The following COX15 variants were observed in gnomAD, a reference collection of about 807,000 sequenced individuals.
COX15 encodes cytochrome c oxidase assembly factor COX15.
Under a neutral mutation model 51.9 loss-of-function variants are expected in COX15, and 51 were observed. The observed-to-expected ratio is 0.98, with a 90% CI of 0.78 to 1.24. COX15 has a LOEUF of 1.24. Among genes scored for constraint, COX15 ranks in the 50% most tolerant of loss-of-function variants. The pLI is 0.00. For missense variants in COX15, 420 were observed against 501.1 expected (o/e 0.84, Z 1.55); for synonymous variants, 188 against 190.5 (o/e 0.99, Z 0.11).
In COX15 at chr10:99,712,901, A is replaced by C. The variant is rs1165913463; in HGVS notation, c.*1686T>G. On this transcript the variant is annotated 3_prime_UTR_variant, in exon 9 of 9. Coordinates refer to ENST00000016171, the MANE Select transcript of COX15 (RefSeq NM_078470.6). ...TCCCTCTTCTGCATGAGACGGCTTCAACTTCTCAAGGACAGGAATCTTGCT... is the reference window on the plus strand; with the variant it reads ...TCCCTCTTCTGCATGAGACGGCTTCCACTTCTCAAGGACAGGAATCTTGCT... The C allele has an allele frequency of 6.3e-6, 4 of 633,708 alleles. No individual in the cohort carries two copies. In the East Asian group the frequency reaches 3.9e-4, roughly 62 times the overall value. 39.3% of individuals were successfully genotyped at this position (633,708 alleles called of 1,614,324 possible).
rs917081947 is a variant in COX15, at chr10:99,724,936, C to T, written c.583-813G>A. ...TTTGCAAATATCTAAGTTCCCACTC[C>T]GCTTTAAGCAAAACCACAGTTTATG... On this transcript the variant is annotated intron_variant, in intron 4 of 8. Transcript: ENST00000016171. Among the ~76,000 whole-genome samples, 8 of 152,268 alleles carry T rather than the reference C, an allele frequency of 5.3e-5. No individual in the cohort carries two copies. The East Asian group carries it at 5.8e-4, about 11-fold the overall frequency.
the COX15 span, among the ~76,000 whole-genome samples, chr10:99,699,252 A>T: frequency 1.3e-5 from 2 of 152,184 alleles, no homozygotes; most frequent in Non-Finnish European, 1.5e-5. Context: ...AGATGATATC[A>T]CCCAGAGGGG....
chr10:99,714,109 C>T lies in COX15; in HGVS notation c.*478G>A, dbSNP rs1018906661. 9.8e-6 allele frequency: 10 copies of T among 1,015,528 alleles called. No homozygotes were observed. The highest frequency in any genetic ancestry group is 1.2e-5 in the Non-Finnish European group (10 of 847,596). 62.9% of individuals were successfully genotyped at this position (1,015,528 alleles called of 1,614,324 possible). ...TTCTGAAAATCAGGATATTAGAAGACATTAGCTTTTTTTTTTTTGCTGAAG... is the reference window on the plus strand; with the variant it reads ...TTCTGAAAATCAGGATATTAGAAGATATTAGCTTTTTTTTTTTTGCTGAAG... On this transcript the variant is annotated 3_prime_UTR_variant, in exon 9 of 9. Coordinates refer to ENST00000016171, the MANE Select transcript of COX15 (RefSeq NM_078470.6).
chr10:99,701,161 G>A, the COX15 span: 2 of 1,052,140 alleles, frequency 1.9e-6, no homozygotes, highest in South Asian at 1.4e-5. Context: ...TGTTGAGGGA[G>A]CATTTGATTA....
At chr10:99,726,625 C>T (rs1032372486) in intron 4 of COX15, among the ~76,000 whole-genome samples, 3 of 152,146 alleles carry the variant, frequency 2.0e-5, no homozygotes, top group Non-Finnish European at 2.9e-5. Context: ...CAGTGGCTCA[C>T]ACCTGTAATC....
chr10:99,702,471 C>A, the COX15 span: 3 of 1,487,884 alleles, frequency 2.0e-6, no homozygotes, highest in African/African-American at 1.4e-5. Context: ...TATTAGAATT[C>A]TTTTCTCTTT....
chr10:99,710,436 T>G, downstream of COX15: 1 of 981,402 alleles, frequency 1.0e-6, no homozygotes, highest in Non-Finnish European at 1.2e-6. Flanking sequence ...AAAGACATCT[T>G]TTTATTATGA....
rs756988711 is a variant in COX15, at chr10:99,729,663, T to C, written c.162A>G (p.Gly54=). ...STISEVALQS[G]RGTVSLPSKA... ...TTGAGGGAAGGGACACTGTACCCCT[T>C]CCAGATTGCAAAGCTACTTCAGAGA... Residue 54 remains glycine, a synonymous_variant, in exon 2 of 9, where the codon GGA becomes GGG. Coordinates refer to ENST00000016171, the MANE Select transcript of COX15 (RefSeq NM_078470.6). The C allele has an allele frequency of 5.6e-6, 9 of 1,614,088 alleles. No homozygotes were observed. The South Asian group carries it at 9.9e-5, about 18-fold the overall frequency.
chr10:99,701,869 G>A, the COX15 span, among the ~76,000 whole-genome samples: 23 of 151,852 alleles, frequency 1.5e-4, no homozygotes, highest in East Asian at 2.6e-3. Flanking sequence ...CTAACATGGC[G>A]AAACCCTGTC....
chr10:99,718,731 T>TAGAGAAGTGGAGTAGAGGCTGTGGTGTGG (rs2036655905), intron 6 of COX15, among the ~76,000 whole-genome samples: 3 of 152,172 alleles, frequency 2.0e-5, no homozygotes, highest in Non-Finnish European at 2.9e-5. Context: ...CTGCTTCCTC[T>TAGAGAAGTGGAGTAGAGGCTGTGGTGTGG]AGAGAAGTGG....
chr10:99,704,996 C>T, the COX15 span: 2 of 322,610 alleles, frequency 6.2e-6, no homozygotes. Context: ...ACCTTTTCTT[C>T]CCTTGCTAAA....
At position 99,727,134 on chromosome 10, in the gene COX15, A is replaced by G. The variant is rs1319785455; in HGVS notation, c.416T>C (p.Leu139Pro). 4 of 1,614,110 alleles carry G rather than the reference A, an allele frequency of 2.5e-6. No individual in the cohort carries two copies. The South Asian group carries it at 3.3e-5, about 13-fold the overall frequency. The stretch of plus-strand genomic sequence containing the variant: ...GTACCAGATGAACTTGAATTCTGTC[A>G]GTGTCATATCATGATTCAAGCTGGG... Reference protein sequence around the residue: ...EFKILNHDMTLTEFKFIWYME... With the variant: ...EFKILNHDMTPTEFKFIWYME... Residue 139 changes from leucine (L) to proline (P), a missense_variant, in exon 4 of 9, where the codon CTG becomes CCG. Transcript: ENST00000016171.
chr10:99,709,465 C>CA, downstream of COX15: 1 of 985,270 alleles, frequency 1.0e-6, no homozygotes. Context: ...CCTGGTGTTA[C>CA]AAAAAATATT....
At chr10:99,730,397 A>C (rs1271693165) in intron 1 of COX15, among the ~76,000 whole-genome samples, 1 of 152,182 alleles carries the variant, frequency 6.6e-6, no homozygotes, top group Admixed American at 6.5e-5. Context: ...CAGCCTGGCC[A>C]AAATGGTGAA....
chr10:99,710,374 T>C (rs1242816436), downstream of COX15: 1 of 985,346 alleles, frequency 1.0e-6, no homozygotes, highest in African/African-American at 1.7e-5. Context: ...GTACATGCCA[T>C]GTACTCCCCC....
chr10:99,727,543 G>C lies in COX15; in HGVS notation c.293C>G (p.Ser98Trp). 6.2e-7 allele frequency: 1 copy of C among 1,613,570 alleles called. No homozygotes were observed. Among genetic ancestry groups the C allele is most frequent in the Non-Finnish European group, 8.5e-7 (1 of 1,179,992 alleles). ...GVTRLTESGL[S>W]MVDWHLIKEM... is the part of the protein sequence containing the mutation. ...CTTTATTAAATGCCAATCTACCATC[G>C]AGAGGCCAGACTCTGTCAACCTTAG... The change falls in exon 3 of 9, where the codon TCG (serine) becomes TGG (tryptophan). Residue 98 changes from serine to tryptophan, a missense_variant. By Grantham distance (177) the Ser-to-Trp change is radical. Transcript: ENST00000016171.
chr10:99,726,905 A>AAC, intron 4 of COX15, 63 bp downstream of exon 4: 1 of 1,495,274 alleles, frequency 6.7e-7, no homozygotes. Flanking sequence ...AAAAAAAAAA[A>AAC]ACAATGCCAA....
At chr10:99,728,352 T>A (rs915040327) in intron 2 of COX15, among the ~76,000 whole-genome samples, 12 of 152,228 alleles carry the variant, frequency 7.9e-5, no homozygotes, top group Non-Finnish European at 4.4e-5. Context: ...ACCTATGATC[T>A]CATAATGAGC....
chr10:99,707,538 T>G (rs2036276294), downstream of COX15, among the ~76,000 whole-genome samples: 1 of 152,242 alleles, frequency 6.6e-6, no homozygotes, highest in Non-Finnish European at 1.5e-5. Flanking sequence ...ACTTTGGTGG[T>G]TCTCCCATGA....
Sources: gnomAD v4.1 joint callset for allele counts (sites outside exome capture counted in the v4.1 genomes callset) on GRCh38, gnomAD v4.1.1 for gene constraint, MANE v1.5 for transcripts, NCBI Gene and HGNC (gene_info 2026-07-23, HGNC 2026-07-21) for gene names.